The following STPG2 variants were observed in gnomAD, a reference collection of about 807,000 sequenced individuals.
STPG2 encodes sperm-tail PG-rich repeat-containing protein 2.
STPG2 carries 56 observed loss-of-function variants against 54.2 expected under a neutral mutation model. The ratio of observed to expected loss-of-function variants is 1.03; its 90% CI spans 0.83 to 1.29. STPG2 has a LOEUF of 1.29. Among genes scored for constraint, STPG2 ranks in the 50% most tolerant of loss-of-function variants. The pLI is 0.00. For missense variants in STPG2, 596 were observed against 544.9 expected, an observed-to-expected ratio of 1.09 and a Z score of -0.93; for synonymous variants, 200 against 181.8, an observed-to-expected ratio of 1.10 and a Z score of -0.81.
intron 10 of STPG2, among the ~76,000 whole-genome samples, chr4:97,686,488 T>C (rs148826975): frequency 2.3e-4 from 35 of 152,284 alleles, no homozygotes; most frequent in African/African-American, 6.7e-4. Flanking sequence ...TAATTAGGGC[T>C]GTTCACTTCC....
intron 5 of STPG2, among the ~76,000 whole-genome samples, chr4:98,064,051 C>G (rs1737749233): frequency 2.0e-5 from 3 of 151,888 alleles, no homozygotes; most frequent in African/African-American, 4.8e-5. Flanking sequence ...ACATCTAACT[C>G]TATATAAAGC....
chr4:97,901,829 G>A (rs1477501592), intron 8 of STPG2, among the ~76,000 whole-genome samples: 1 of 151,780 alleles, frequency 6.6e-6, no homozygotes, highest in African/African-American at 2.4e-5. Context: ...TTCATATGGA[G>A]CCACAAAAGA....
intron 9 of STPG2, among the ~76,000 whole-genome samples, chr4:97,835,076 A>C (rs1728590543): frequency 6.6e-6 from 1 of 152,106 alleles, no homozygotes; most frequent in Admixed American, 6.6e-5. Flanking sequence ...TTCCCAGTTA[A>C]GTTGCTCATT....
At chr4:97,459,440 G>GTT (rs564314656) in intron 4 of STPG2, among the ~76,000 whole-genome samples, 1,537 of 122,456 alleles carry the variant, frequency 0.013, 39 homozygotes, top group African/African-American at 0.041. Flanking sequence ...GTTTTTTTTT[G>GTT]TTTTTTTTTT....
intron 4 of STPG2, among the ~76,000 whole-genome samples, chr4:97,545,056 T>G (rs1171150609): frequency 6.6e-6 from 1 of 152,098 alleles, no homozygotes; most frequent in African/African-American, 2.4e-5. Flanking sequence ...AAATTCAGAT[T>G]CTGATTCAAA....
At chr4:97,909,488 C>A (rs192912937) in intron 8 of STPG2, among the ~76,000 whole-genome samples, 1 of 152,044 alleles carries the variant, frequency 6.6e-6, no homozygotes, top group African/African-American at 2.4e-5. Context: ...ACATCAAACC[C>A]TAACAAGGAA....
intron 9 of STPG2, among the ~76,000 whole-genome samples, chr4:97,804,269 C>T (rs902913924): frequency 6.6e-6 from 1 of 152,044 alleles, no homozygotes; most frequent in Non-Finnish European, 1.5e-5. Flanking sequence ...AGCTGCAAAA[C>T]AATGTCTTGG....
At chr4:98,011,464 C>T (rs570411024) in intron 5 of STPG2, among the ~76,000 whole-genome samples, 15 of 151,958 alleles carry the variant, frequency 9.9e-5, no homozygotes, top group South Asian at 2.1e-4. Context: ...ATATGCCTTT[C>T]GATATATAAT....
chr4:97,948,422 T>C (rs919986248), intron 7 of STPG2, among the ~76,000 whole-genome samples: 3 of 152,130 alleles, frequency 2.0e-5, no homozygotes, highest in Admixed American at 6.6e-5. Context: ...ATACATGTAG[T>C]TCTACTCTAA....
chr4:98,031,138 A>C (rs1736584027), intron 5 of STPG2, among the ~76,000 whole-genome samples: 2 of 152,190 alleles, frequency 1.3e-5, no homozygotes, highest in Admixed American at 1.3e-4. Context: ...CAACAAACAA[A>C]AACATAAAGT....
chr4:98,039,578 A>ACC (rs1476204209), intron 5 of STPG2, among the ~76,000 whole-genome samples: 1 of 151,344 alleles, frequency 6.6e-6, no homozygotes, highest in Non-Finnish European at 1.5e-5. Context: ...GGTGCAATGC[A>ACC]CATTATTTGG....
chr4:97,974,225 G>A (rs183518502), intron 6 of STPG2, among the ~76,000 whole-genome samples: 42 of 152,230 alleles, frequency 2.8e-4, no homozygotes, highest in African/African-American at 1.0e-3. Context: ...TAGCCCCTTT[G>A]TTTCAGTCAA....
intron 8 of STPG2, among the ~76,000 whole-genome samples, chr4:97,877,266 T>C (rs76872030): frequency 0.013 from 1,995 of 152,240 alleles, 53 homozygotes; most frequent in African/African-American, 0.045. Flanking sequence ...TCTTTACTCA[T>C]TTCTATGAAA....
At chr4:97,662,148 T>G (rs1722392226) in intron 10 of STPG2, among the ~76,000 whole-genome samples, 1 of 151,934 alleles carries the variant, frequency 6.6e-6, no homozygotes, top group Non-Finnish European at 1.5e-5. Flanking sequence ...AGGTCTAATA[T>G]CCAGACTCTA....
chr4:97,884,735 G>A (rs1404950099), intron 8 of STPG2, among the ~76,000 whole-genome samples: 1 of 151,936 alleles, frequency 6.6e-6, no homozygotes, highest in Non-Finnish European at 1.5e-5. Flanking sequence ...AAAAAGAGGG[G>A]TCTAGAAAAA....
At chr4:97,757,744 GTA>G (rs1189380260) in intron 9 of STPG2, among the ~76,000 whole-genome samples, 1 of 152,050 alleles carries the variant, frequency 6.6e-6, no homozygotes, top group African/African-American at 2.4e-5. Context: ...TCTGTATGGT[GTA>G]TGTTTTCTTT....
chr4:98,044,328 A>C (rs999761308), intron 5 of STPG2, among the ~76,000 whole-genome samples: 4 of 152,094 alleles, frequency 2.6e-5, no homozygotes, highest in Non-Finnish European at 4.4e-5. Context: ...TTTCATCTCA[A>C]CTTTAAAAAT....
In STPG2 at chr4:97,867,880, C is replaced by G. The variant is rs1308333261; in HGVS notation, c.1045-26948G>C. 4.0e-5 allele frequency among the ~76,000 whole-genome samples: 6 copies of G among 151,838 alleles called. No individual in the cohort carries two copies. In the East Asian group the frequency reaches 9.7e-4, roughly 24 times the overall value. On this transcript the variant is annotated intron_variant, in intron 8 of 10. Coordinates refer to ENST00000295268, the MANE Select transcript of STPG2 (RefSeq NM_174952.3). ...AAGGAATCATGGATAGCAATTTGAC[C>G]AAAACATTATCACATGGATACACTG...
chr4:97,709,025 T>C (rs1325780865), intron 10 of STPG2, among the ~76,000 whole-genome samples: 2 of 151,832 alleles, frequency 1.3e-5, no homozygotes, highest in Non-Finnish European at 3.0e-5. Context: ...TCTTGTGCCT[T>C]TTCTAAATTT....
Sources: gnomAD v4.1 joint callset for allele counts (sites outside exome capture counted in the v4.1 genomes callset) on GRCh38, gnomAD v4.1.1 for gene constraint, MANE v1.5 for transcripts, NCBI Gene and HGNC (gene_info 2026-07-23, HGNC 2026-07-21) for gene names.